Variants in ALK observed in about 807,000 individuals in gnomAD.
ALK encodes the protein ALK receptor tyrosine kinase.
A neutral mutation model predicts 163.1 loss-of-function variants in ALK; 74 were observed. The ratio of observed to expected loss-of-function variants is 0.45; its 90% CI spans 0.38 to 0.55. The LOEUF (loss-of-function observed/expected upper bound fraction) is 0.55. Ranked by LOEUF, ALK falls within the 20% of genes least tolerant of loss-of-function variation. The pLI, the probability that ALK is intolerant of heterozygous loss-of-function variation, is 0.00. For missense variants in ALK, 2,063 were observed against 2,105.3 expected (o/e 0.98, Z 0.39); for synonymous variants, 960 against 843.2 (o/e 1.14, Z -2.40).
chr2:29,214,232 C>T (rs973948259), intron 23 of ALK, 151 bp from the exon 24 acceptor site: 4 of 688,864 alleles, frequency 5.8e-6, no homozygotes, highest in African/African-American at 5.3e-5. Flanking sequence ...TTAGAAATCA[C>T]CTGGAGGCAT....
chr2:29,504,971 T>A (rs1218021217), intron 4 of ALK, among the ~76,000 whole-genome samples: 1 of 151,946 alleles, frequency 6.6e-6, no homozygotes, highest in Non-Finnish European at 1.5e-5. Context: ...ACTGTGACAG[T>A]GAGCAAGCAA....
Position 29,214,082 on chromosome 2 carries a change from CTG to C in ALK, c.3646-3_3646-2del. 6.2e-7 allele frequency: 1 copy of C among 1,613,730 alleles called. No individual in the cohort carries two copies. The highest frequency in any genetic ancestry group is 8.5e-7 in the Non-Finnish European group (1 of 1,179,712). On this transcript the variant is annotated splice_acceptor_variant and splice_polypyrimidine_tract_variant and intron_variant, in intron 23 of 28. Transcript: ENST00000389048. LOFTEE classifies it high-confidence loss of function. ...GCATGGCCAGGGAGGAGGGCTGGCT[CTG>C]TGGGGAGACAGAAGCGGGCCACTGA...
intron 3 of ALK, among the ~76,000 whole-genome samples, chr2:29,619,175 G>A (rs1434503775): frequency 6.6e-6 from 1 of 152,162 alleles, no homozygotes. Context: ...CTGATCACAA[G>A]GGTGATCTGT....
At chr2:29,403,747 A>T in intron 4 of ALK, among the ~76,000 whole-genome samples, 1 of 149,734 alleles carries the variant, frequency 6.7e-6, no homozygotes, top group Admixed American at 6.7e-5. Flanking sequence ...AAGGAAGAAA[A>T]GAAAAGGAAA....
chr2:29,643,961 T>A (rs2339539), intron 3 of ALK, among the ~76,000 whole-genome samples: 2 of 151,720 alleles, frequency 1.3e-5, no homozygotes, highest in African/African-American at 4.8e-5. Flanking sequence ...ATGTTTATTG[T>A]GGCACTATTC....
chr2:29,435,405 T>C (rs546326776), intron 4 of ALK, among the ~76,000 whole-genome samples: 5 of 152,010 alleles, frequency 3.3e-5, no homozygotes, highest in Non-Finnish European at 7.4e-5. Flanking sequence ...GAGGCAGCCC[T>C]GCCAGATGCC....
At chr2:29,797,168 A>G (rs1359102489) in intron 1 of ALK, among the ~76,000 whole-genome samples, 1 of 152,180 alleles carries the variant, frequency 6.6e-6, no homozygotes, top group East Asian at 1.9e-4. Flanking sequence ...TAAAAAAATT[A>G]AAAACAAATG....
intron 11 of ALK, among the ~76,000 whole-genome samples, chr2:29,271,320 G>T (rs1156482801): frequency 6.6e-6 from 1 of 152,222 alleles, no homozygotes; most frequent in Non-Finnish European, 1.5e-5. Context: ...AGCAGAAATA[G>T]ACCCAATCAA....
At chr2:29,912,330 G>GA (rs1416787990) in intron 1 of ALK, among the ~76,000 whole-genome samples, 4 of 151,782 alleles carry the variant, frequency 2.6e-5, no homozygotes, top group South Asian at 2.1e-4. Context: ...CAAAAGCCAA[G>GA]AAAAAAATAT....
At chr2:29,432,783 GA>G (rs1354634380) in intron 4 of ALK, among the ~76,000 whole-genome samples, 3 of 138,124 alleles carry the variant, frequency 2.2e-5, no homozygotes, top group African/African-American at 8.1e-5. Flanking sequence ...CGCATCAATT[GA>G]TCTGGAGTGA....
At position 29,526,376 on chromosome 2, in the gene ALK, G is replaced by A. The variant is rs577518622; in HGVS notation, c.1154+5539C>T. 5.9e-5 allele frequency among the ~76,000 whole-genome samples: 9 copies of A among 152,334 alleles called. No homozygotes were observed. In the South Asian group the frequency reaches 8.3e-4, roughly 14 times the overall value. Reference sequence around the variant, plus strand: ...GTGTGCTCAGAGAACTTCGAGCTACGTGATTGCTCCTGTAACAAGGTGTCT... The same window carrying A: ...GTGTGCTCAGAGAACTTCGAGCTACATGATTGCTCCTGTAACAAGGTGTCT... On this transcript the variant is annotated intron_variant, in intron 4 of 28. Coordinates refer to ENST00000389048, the MANE Select transcript of ALK (RefSeq NM_004304.5).
chr2:29,426,724 T>C (rs1670143417), intron 4 of ALK, among the ~76,000 whole-genome samples: 1 of 152,148 alleles, frequency 6.6e-6, no homozygotes, highest in Non-Finnish European at 1.5e-5. Flanking sequence ...GTTCTTGTCC[T>C]TCTTTCTCTT....
intron 4 of ALK, among the ~76,000 whole-genome samples, chr2:29,402,875 C>T (rs913426840): frequency 7.2e-5 from 11 of 152,130 alleles, no homozygotes; most frequent in South Asian, 4.1e-4. Context: ...CAAATCCCTC[C>T]TCCTCCCTAC....
rs1558550140 is a variant in ALK, at chr2:29,920,517, C to G, written c.143G>C (p.Arg48Pro). 9.3e-6 allele frequency: 15 copies of G among 1,612,320 alleles called. No homozygotes were observed. Among genetic ancestry groups the G allele is most frequent in the Non-Finnish European group, 1.3e-5 (15 of 1,179,550 alleles). ...AACTGCCAGACTCTTCCTCTGCAGGCGCGAGTAGCTGAGTGGCTCCCGGGG... is the reference window on the plus strand; with the variant it reads ...AACTGCCAGACTCTTCCTCTGCAGGGGCGAGTAGCTGAGTGGCTCCCGGGG... ...LQPREPLSYS[R>P]LQRKSLAVDF... The change falls in exon 1 of 29, where the codon CGC (arginine) becomes CCC (proline). Residue 48 changes from arginine to proline, a missense_variant. By Grantham distance (103) the Arg-to-Pro change is moderately radical. Around this residue, in one of 5 missense-constraint regions of ALK, gnomAD observed 987 missense variants for 939.5 expected, o/e 1.05. Coordinates refer to ENST00000389048, the MANE Select transcript of ALK (RefSeq NM_004304.5).
At chr2:29,250,176 C>A (rs1664780288) in intron 12 of ALK, among the ~76,000 whole-genome samples, 1 of 152,202 alleles carries the variant, frequency 6.6e-6, no homozygotes, top group Non-Finnish European at 1.5e-5. Context: ...TTCCTTTTAA[C>A]CTGCCCTGCC....
chr2:29,736,343 A>G (rs1354305952), intron 1 of ALK, among the ~76,000 whole-genome samples: 1 of 151,960 alleles, frequency 6.6e-6, no homozygotes, highest in Non-Finnish European at 1.5e-5. Flanking sequence ...TCTTCTTTAT[A>G]CTTTTCTGAA....
intron 3 of ALK, among the ~76,000 whole-genome samples, chr2:29,639,437 C>T (rs1676637892): frequency 6.6e-6 from 1 of 152,176 alleles, no homozygotes; most frequent in Non-Finnish European, 1.5e-5. Flanking sequence ...ATCTCAGAAC[C>T]TCATGCATTT....
chr2:29,299,162 C>A (rs946320286), intron 8 of ALK, among the ~76,000 whole-genome samples: 6 of 152,168 alleles, frequency 3.9e-5, no homozygotes, highest in Non-Finnish European at 8.8e-5. Flanking sequence ...TACCCATGTC[C>A]TTTATAACTC....
At chr2:29,458,197 T>A (rs1220155342) in intron 4 of ALK, among the ~76,000 whole-genome samples, 1 of 152,166 alleles carries the variant, frequency 6.6e-6, no homozygotes, top group Non-Finnish European at 1.5e-5. Flanking sequence ...TAAACGTATA[T>A]GCTTGGGTAT....
Sources: gnomAD v4.1 joint callset for allele counts (sites outside exome capture counted in the v4.1 genomes callset) on GRCh38, gnomAD v4.1.1 for gene constraint, gnomAD v4.1.1 regional missense constraint, MANE v1.5 for transcripts, NCBI Gene and HGNC (gene_info 2026-07-23, HGNC 2026-07-21) for gene names.